The following CAB39L variants were observed in gnomAD, a reference collection of about 807,000 sequenced individuals.
CAB39L encodes the protein calcium binding protein 39 like, also known as calcium-binding protein 39-like.
Under a neutral mutation model 39.1 loss-of-function variants are expected in CAB39L, and 23 were observed. That is an observed-to-expected ratio of 0.59 (90% CI 0.42 to 0.83). The LOEUF (loss-of-function observed/expected upper bound fraction) is 0.83, where lower values mean the gene tolerates loss of function less well. Ranked by LOEUF, CAB39L falls within the 40% of genes least tolerant of loss-of-function variation. The pLI is 0.00. For synonymous variants in CAB39L, 126 were observed against 137.2 expected (o/e 0.92, Z 0.57); for missense variants, 366 against 391.9 (o/e 0.93, Z 0.56).
At chr13:49,439,921 G>GCTT (rs1555268109) in intron 1 of CAB39L, among the ~76,000 whole-genome samples, 2 of 78,540 alleles carry the variant, frequency 2.5e-5, no homozygotes, top group African/African-American at 4.7e-5. Context: ...TTTTTAATGG[G>GCTT]TTTTTTTTTT....
intron 3 of CAB39L, among the ~76,000 whole-genome samples, chr13:49,410,083 T>C (rs1243891009): frequency 6.6e-6 from 1 of 152,170 alleles, no homozygotes; most frequent in Non-Finnish European, 1.5e-5. Flanking sequence ...TTCCACCAAC[T>C]GCCCAATTTA....
In CAB39L at chr13:49,377,058, G is replaced by A. The variant is rs772800193; in HGVS notation, c.185C>T (p.Pro62Leu). ...ILCGTNEKEP[P>L]TEAVAQLAQE... ...TGCTAGCTGAGCCACTGCTTCTGTT[G>A]GGGGTTCTTTCTCGTTTGTACCACA... Residue 62 changes from proline to leucine, a missense_variant, in exon 5 of 11, where the codon CCA (proline) becomes CTA (leucine). Coordinates refer to ENST00000409308, the MANE Select transcript of CAB39L (RefSeq NM_001079670.3). The A allele has an allele frequency of 6.8e-6, 11 of 1,613,210 alleles. No homozygotes were observed. In the African/African-American group the frequency reaches 1.2e-4, roughly 18 times the overall value.
chr13:49,389,316 C>T (rs1956437996), intron 3 of CAB39L, among the ~76,000 whole-genome samples: 1 of 152,234 alleles, frequency 6.6e-6, no homozygotes, highest in South Asian at 2.1e-4. Flanking sequence ...TGGAACCAAC[C>T]TAAGTGTCCA....
intron 10 of CAB39L, among the ~76,000 whole-genome samples, chr13:49,325,292 G>A (rs982732268): frequency 6.6e-6 from 1 of 152,220 alleles, no homozygotes; most frequent in Non-Finnish European, 1.5e-5. Flanking sequence ...AAAGCTGAAT[G>A]TTCGACACCA....
At chr13:49,396,685 G>A (rs751540301) in intron 3 of CAB39L, among the ~76,000 whole-genome samples, 5 of 152,068 alleles carry the variant, frequency 3.3e-5, no homozygotes, top group African/African-American at 7.2e-5. Context: ...TCCAGCCTGG[G>A]TGATATAGCG....
chr13:49,337,742 A>G lies in CAB39L; in HGVS notation c.690+1935T>C, dbSNP rs950536824. On this transcript the variant is annotated intron_variant, in intron 9 of 10. Transcript: ENST00000409308. The stretch of plus-strand genomic sequence containing the variant: ...TCTAGCTGCTCTGGCGCACACACAC[A>G]CACACACACACACACACACACACAC... 6.9e-4 allele frequency among the ~76,000 whole-genome samples: 102 copies of G among 147,618 alleles called. 1 individual carries two copies. The highest frequency in any genetic ancestry group is 4.9e-3 in the East Asian group (25 of 5,138).
At position 49,332,096 on chromosome 13, in the gene CAB39L, G is replaced by T; in HGVS notation, c.691-6C>A. On this transcript the variant is annotated splice_region_variant and splice_polypyrimidine_tract_variant and intron_variant, in intron 9 of 10. Transcript: ENST00000409308. ...AGGATCAGCTCCCCTAGCAGCTAGA[G>T]GAAAACACAAAACCAAAGCTGTAAT... 6.2e-7 allele frequency: 1 copy of T among 1,612,612 alleles called. No individual in the cohort carries two copies. Among genetic ancestry groups the T allele is most frequent in the Non-Finnish European group, 8.5e-7 (1 of 1,179,082 alleles).
chr13:49,317,579 T>C (rs1247448197), intron 10 of CAB39L, among the ~76,000 whole-genome samples: 1 of 152,054 alleles, frequency 6.6e-6, no homozygotes, highest in African/African-American at 2.4e-5. Context: ...CATTTGGATA[T>C]TCACATGCAA....
intron 9 of CAB39L, among the ~76,000 whole-genome samples, chr13:49,333,930 T>C (rs1011839246): frequency 3.9e-5 from 6 of 152,110 alleles, no homozygotes; most frequent in African/African-American, 1.4e-4. Flanking sequence ...TGCTGGACTG[T>C]CACACTTAGC....
chr13:49,351,109 G>T, intron 6 of CAB39L, 197 bp from the exon 7 acceptor site: 3 of 364,512 alleles, frequency 8.2e-6, no homozygotes, highest in Non-Finnish European at 1.5e-5. Context: ...AGTGTATTCT[G>T]AAACACTTAG....
At chr13:49,351,479 G>T (rs1471911053) in intron 6 of CAB39L, among the ~76,000 whole-genome samples, 1 of 152,144 alleles carries the variant, frequency 6.6e-6, no homozygotes, top group South Asian at 2.1e-4. Context: ...AATGAGGCAG[G>T]GGTGGAGAGA....
At position 49,344,224 on chromosome 13, in the gene CAB39L, T is replaced by C; in HGVS notation, c.579A>G (p.Arg193=). The change falls in exon 8 of 11, where the codon AGA becomes AGG. Residue 193 remains arginine (R), a synonymous_variant. Coordinates refer to ENST00000409308, the MANE Select transcript of CAB39L (RefSeq NM_001079670.3). The stretch of plus-strand genomic sequence containing the variant: ...AGAAGTCTGCTACCAACACTTTATG[T>C]CTGGTTAGTAAATCCTAGAAAAAGA... ...AFATFKDLLT[R]HKVLVADFLE... The C allele has an allele frequency of 6.3e-7, 1 of 1,594,670 alleles. No individual in the cohort carries two copies. Among genetic ancestry groups the C allele is most frequent in the Non-Finnish European group, 8.6e-7 (1 of 1,162,906 alleles).
chr13:49,381,159 C>T (rs1956245794), intron 4 of CAB39L, among the ~76,000 whole-genome samples: 1 of 152,144 alleles, frequency 6.6e-6, no homozygotes, highest in Admixed American at 6.5e-5. Flanking sequence ...AACTCCTGAC[C>T]TTAGGTGATC....
intron 5 of CAB39L, among the ~76,000 whole-genome samples, chr13:49,367,705 C>A (rs1593998305): frequency 6.6e-6 from 1 of 152,114 alleles, no homozygotes; most frequent in Middle Eastern, 3.4e-3. Flanking sequence ...TCAGTTGAAC[C>A]CAGGAGTTTG....
intron 5 of CAB39L, 117 bp downstream of exon 5, chr13:49,376,850 A>G (rs1956073801): frequency 1.3e-6 from 1 of 792,034 alleles, no homozygotes; most frequent in Non-Finnish European, 1.9e-6. Flanking sequence ...ACTTTAAAAA[A>G]TAACACATGG....
At chr13:49,323,791 T>C (rs965628758) in intron 10 of CAB39L, among the ~76,000 whole-genome samples, 3 of 152,200 alleles carry the variant, frequency 2.0e-5, no homozygotes, top group Non-Finnish European at 2.9e-5. Flanking sequence ...AAAACTGAAA[T>C]GAGTCCCTCC....
chr13:49,356,553 C>T (rs1057130723), intron 6 of CAB39L, among the ~76,000 whole-genome samples: 14 of 152,278 alleles, frequency 9.2e-5, no homozygotes, highest in African/African-American at 3.1e-4. Flanking sequence ...CTCTTTGATA[C>T]ACAAGTATCA....
rs201752817 is a variant in CAB39L, at chr13:49,310,873, C to T, written c.955G>A (p.Ala319Thr). 6.4e-5 allele frequency: 104 copies of T among 1,614,134 alleles called. No homozygotes were observed. The South Asian group carries it at 9.2e-4, about 14-fold the overall frequency. The change falls in exon 11 of 11, where the codon GCT (alanine) becomes ACT (threonine). Residue 319 changes from alanine (A) to threonine (T), a missense_variant. By Grantham distance (58) the Ala-to-Thr change is moderately conservative (BLOSUM62 0). Coordinates refer to ENST00000409308, the MANE Select transcript of CAB39L (RefSeq NM_001079670.3). ...TTAATCAAGTAGTTCTTCTCGTCAG[C>T]GAACTGCTCATCATCCGTCCTTTCT... ...QKERTDDEQF[A>T]DEKNYLIKQI...
At chr13:49,421,491 G>A (rs1957170570) in intron 3 of CAB39L, among the ~76,000 whole-genome samples, 1 of 152,122 alleles carries the variant, frequency 6.6e-6, no homozygotes, top group South Asian at 2.1e-4. Flanking sequence ...CGCTAGTGGA[G>A]ACCACTTTAG....
Sources: allele counts gnomAD v4.1 joint callset (sites outside exome capture counted in the v4.1 genomes callset), GRCh38; gene constraint gnomAD v4.1.1; transcripts MANE v1.5; gene names NCBI Gene and HGNC (gene_info 2026-07-23, HGNC 2026-07-21).